Variants in SLC17A2 observed in about 807,000 individuals in gnomAD.
SLC17A2 encodes solute carrier family 17 member 2, also known as sodium-dependent phosphate transport protein 3.
Under a neutral mutation model 52.1 loss-of-function variants are expected in SLC17A2, and 38 were observed. The ratio of observed to expected loss-of-function variants is 0.73; its 90% confidence interval spans 0.56 to 0.96. The LOEUF is 0.96. SLC17A2 is among the 40% of genes least tolerant of loss of function. The probability of loss-of-function intolerance (pLI) is 0.00; values close to 1 mark genes in which losing one functional copy is unlikely to be tolerated. For synonymous variants in SLC17A2, 226 were observed against 211.9 expected, an observed-to-expected ratio of 1.07 and a Z score of -0.58; for missense variants, 508 against 583.9, an observed-to-expected ratio of 0.87 and a Z score of 1.34.
At chr6:25,921,598 GA>G (rs1766563591) in intron 3 of SLC17A2, among the ~76,000 whole-genome samples, 186 bp from the exon 4 acceptor site, 1 of 151,812 alleles carries the variant, frequency 6.6e-6, no homozygotes, top group Non-Finnish European at 1.5e-5. Context: ...TAGAAGGAGA[GA>G]AAAACAGAAG....
intron 1 of SLC17A2, among the ~76,000 whole-genome samples, chr6:25,927,038 CT>C (rs1766791880): frequency 6.6e-6 from 1 of 152,184 alleles, no homozygotes; most frequent in Admixed American, 6.5e-5. Flanking sequence ...TGCACTACAG[CT>C]TGGGGGACAG....
chr6:25,921,375 A>T lies in SLC17A2; in HGVS notation c.278T>A (p.Ile93Asn). ...VYQWSPETQG[I>N]IFSSINYGII... ...CCCATAGTTGATGGAGCTAAAGATG[A>T]TACCCTGAGTTTCTGGGCTCCATTG... Residue 93 changes from isoleucine to asparagine, a missense_variant, in exon 4 of 12, where the codon ATC (isoleucine) becomes AAC (asparagine). Coordinates refer to ENST00000377850, the MANE Select transcript of SLC17A2 (RefSeq NM_001286123.3). 6.2e-7 allele frequency: 1 copy of T among 1,614,158 alleles called. No homozygotes were observed. The highest frequency in any genetic ancestry group is 8.5e-7 in the Non-Finnish European group (1 of 1,180,006).
chr6:25,917,693 A>T (rs559025955), intron 6 of SLC17A2, among the ~76,000 whole-genome samples: 1 of 152,394 alleles, frequency 6.6e-6, no homozygotes, highest in African/African-American at 2.4e-5. Context: ...ATTTGGCTAT[A>T]AAAACAAAAT....
chr6:25,915,838 C>A lies in SLC17A2; in HGVS notation c.961G>T (p.Ala321Ser). Reference protein sequence around the residue: ...SGVLSSLPFIAAASCTILGGQ... With the variant: ...SGVLSSLPFISAASCTILGGQ... ...CCTAAAATTGTACAGCTTGCAGCAG[C>A]AATAAAAGGCAGGGAGGACAGAACT... is the stretch of plus-strand genomic sequence containing the variant. The change falls in exon 9 of 12, where the codon GCT becomes TCT. Residue 321 changes from alanine to serine, a missense_variant. Ala to Ser is a moderately conservative substitution (Grantham distance 99). Coordinates refer to ENST00000377850, the MANE Select transcript of SLC17A2 (RefSeq NM_001286123.3). 1 of 1,613,922 alleles carries A rather than the reference C, an allele frequency of 6.2e-7. No homozygotes were observed. Among genetic ancestry groups the A allele is most frequent in the Non-Finnish European group, 8.5e-7 (1 of 1,179,940 alleles).
At position 25,915,535 on chromosome 6, in the gene SLC17A2, G is replaced by A. The variant is rs1219347300; in HGVS notation, c.1175C>T (p.Ser392Leu). The change falls in exon 10 of 12, where the codon TCA (serine) becomes TTA (leucine). Residue 392 changes from serine to leucine, a missense_variant. Transcript: ENST00000377850. ...LIPGTSNLCD[S>L]GFIINTLDIA... Reference sequence around the variant, plus strand: ...ATCTAAGGTGTTGATGATAAACCCTGAGTCACATAGGTTACTGGTCCCAGG... The same window carrying A: ...ATCTAAGGTGTTGATGATAAACCCTAAGTCACATAGGTTACTGGTCCCAGG... The A allele has an allele frequency of 5.1e-6, 8 of 1,567,796 alleles. No homozygotes were observed. Among genetic ancestry groups the A allele is most frequent in the African/African-American group, 1.4e-5 (1 of 73,590 alleles).
Position 25,913,400 on chromosome 6 carries a change from T to G in SLC17A2, c.1354A>C (p.Met452Leu). Residue 452 changes from methionine to leucine, a missense_variant, in exon 12 of 12, where the codon ATG (methionine) becomes CTG (leucine). Met to Leu is a conservative substitution (Grantham distance 15). Coordinates refer to ENST00000377850, the MANE Select transcript of SLC17A2 (RefSeq NM_001286123.3). ...NVFFLSAAVN[M>L]FGLVFYLTFG... Reference sequence around the variant, plus strand: ...GTGAGGTAAAAGACCAGGCCAAACATGTTGACTGCAGCAGACAGGAAAAAG... The same window carrying G: ...GTGAGGTAAAAGACCAGGCCAAACAGGTTGACTGCAGCAGACAGGAAAAAG... 2 of 1,614,078 alleles carry G rather than the reference T, an allele frequency of 1.2e-6. No homozygotes were observed. The highest frequency in any genetic ancestry group is 1.1e-5 in the South Asian group (1 of 91,084).
At position 25,923,921 on chromosome 6, in the gene SLC17A2, A is replaced by G; in HGVS notation, c.29-15T>C. Reference sequence around the variant, plus strand: ...GAAATCTGGACCTAGACAACAACACAGATGTATGTAGTGAGCATCCTGACT... The same window carrying G: ...GAAATCTGGACCTAGACAACAACACGGATGTATGTAGTGAGCATCCTGACT... On this transcript the variant is annotated splice_polypyrimidine_tract_variant and intron_variant, in intron 2 of 11. Coordinates refer to ENST00000377850, the MANE Select transcript of SLC17A2 (RefSeq NM_001286123.3). 1 of 1,602,964 alleles carries G rather than the reference A, an allele frequency of 6.2e-7. No homozygotes were observed. Among genetic ancestry groups the G allele is most frequent in the Non-Finnish European group, 8.5e-7 (1 of 1,170,686 alleles).
rs1180236841 is a variant in SLC17A2, at chr6:25,912,802, C to G, written c.*515G>C. 6.6e-6 allele frequency: 1 copy of G among 152,008 alleles called. No homozygotes were observed. Among genetic ancestry groups the G allele is most frequent in the Admixed American group, 6.6e-5 (1 of 15,260 alleles). The allele number at this position is 152,008 out of a possible 1,614,324, so 9.4% of individuals were successfully genotyped here. On this transcript the variant is annotated 3_prime_UTR_variant, in exon 12 of 12. Transcript: ENST00000377850. ...AATAGAATTTAATCACATAAATAAA[C>G]GTCTATGTTTTACAATGTATAAAAA...
intron 11 of SLC17A2, among the ~76,000 whole-genome samples, chr6:25,913,779 T>TG (rs1265567642): frequency 3.6e-4 from 26 of 72,162 alleles, no homozygotes; most frequent in Middle Eastern, 0.011. Context: ...CTCTGTTTTT[T>TG]TTTGTTGTTG....
chr6:25,915,827 G>A lies in SLC17A2; in HGVS notation c.972C>T (p.Ser324=), dbSNP rs1766289369. The A allele has an allele frequency of 6.2e-7, 1 of 1,614,132 alleles. No homozygotes were observed. Among genetic ancestry groups the A allele is most frequent in the Non-Finnish European group, 8.5e-7 (1 of 1,179,990 alleles). Residue 324 remains serine (S), a synonymous_variant, in exon 9 of 12, where the codon AGC becomes AGT. Coordinates refer to ENST00000377850, the MANE Select transcript of SLC17A2 (RefSeq NM_001286123.3). ...CCAGCTGACCTCCTAAAATTGTACA[G>A]CTTGCAGCAGCAATAAAAGGCAGGG... ...LSSLPFIAAA[S]CTILGGQLAD...
Position 25,921,378 on chromosome 6 carries a change from C to A in SLC17A2, c.275G>T (p.Gly92Val). The A allele has an allele frequency of 6.2e-7, 1 of 1,614,036 alleles. No homozygotes were observed. The highest frequency in any genetic ancestry group is 8.5e-7 in the Non-Finnish European group (1 of 1,179,986). The change falls in exon 4 of 12, where the codon GGT (glycine) becomes GTT (valine). Residue 92 changes from glycine (G) to valine (V), a missense_variant. Transcript: ENST00000377850. ...SVYQWSPETQGIIFSSINYGI... is the reference protein window; with the variant it reads ...SVYQWSPETQVIIFSSINYGI... ...ATAGTTGATGGAGCTAAAGATGATA[C>A]CCTGAGTTTCTGGGCTCCATTGATA...
chr6:25,920,982 T>C, intron 5 of SLC17A2, 24 bp downstream of exon 5: 1 of 1,601,058 alleles, frequency 6.2e-7, no homozygotes, highest in Non-Finnish European at 8.6e-7. Flanking sequence ...ATGACAAAGC[T>C]ATGACCCATC....
chr6:25,926,345 A>G (rs1027102043), intron 1 of SLC17A2, among the ~76,000 whole-genome samples: 8 of 152,194 alleles, frequency 5.3e-5, no homozygotes, highest in African/African-American at 1.9e-4. Flanking sequence ...CCACCAGAAC[A>G]ATGTTCCATG....
intron 10 of SLC17A2, 122 bp from the exon 11 acceptor site, chr6:25,914,792 A>G: frequency 3.1e-6 from 2 of 637,690 alleles, no homozygotes; most frequent in East Asian, 2.8e-5. Context: ...GCAGTTTTTC[A>G]TTCACCTAAA....
chr6:25,920,864 AT>A (rs1766525093), intron 5 of SLC17A2, 141 bp downstream of exon 5: 1 of 698,844 alleles, frequency 1.4e-6, no homozygotes, highest in East Asian at 2.7e-5. Context: ...CATCTTTCCT[AT>A]TTGTGATGCA....
In SLC17A2 at chr6:25,923,831, C is replaced by A. The variant is rs762220266; in HGVS notation, c.104G>T (p.Arg35Leu). The change falls in exon 3 of 12, where the codon CGT becomes CTT. Residue 35 changes from arginine to leucine, a missense_variant. By Grantham distance (102) the Arg-to-Leu change is moderately radical. Transcript: ENST00000377850. ...GATGATCGCAATGCTCAGACTCACA[C>A]GCTGCGTTATCATGGTGAAGTTTGA... is the stretch of plus-strand genomic sequence containing the variant. ...HFSNFTMITQRVSLSIAIIAM... is the reference protein window; with the variant it reads ...HFSNFTMITQLVSLSIAIIAM... 6.2e-7 allele frequency: 1 copy of A among 1,614,198 alleles called. No homozygotes were observed. The highest frequency in any genetic ancestry group is 8.5e-7 in the Non-Finnish European group (1 of 1,180,042).
chr6:25,925,819 C>T lies in SLC17A2; in HGVS notation c.-23G>A. The T allele has an allele frequency of 6.2e-7, 1 of 1,613,900 alleles. No individual in the cohort carries two copies. The highest frequency in any genetic ancestry group is 1.3e-5 in the African/African-American group (1 of 75,046). On this transcript the variant is annotated 5_prime_UTR_variant, in exon 2 of 12. Transcript: ENST00000377850. ...CATTTAGCTTCTGTGGGAAATGGTA[C>T]CACGCTTTGTGGTGGAGTTTCCCTG... is the stretch of plus-strand genomic sequence containing the variant.
rs1172059536 is a variant in SLC17A2, at chr6:25,915,543, T to C, written c.1167A>G (p.Leu389=). ...TGTTGATGATAAACCCTGAGTCACA[T>C]AGGTTACTGGTCCCAGGAATAAGTA... ...LLILIPGTSN[L]CDSGFIINTL... Residue 389 remains leucine (L), a synonymous_variant, in exon 10 of 12, where the codon CTA becomes CTG. Coordinates refer to ENST00000377850, the MANE Select transcript of SLC17A2 (RefSeq NM_001286123.3). 4.4e-6 allele frequency: 7 copies of C among 1,576,120 alleles called. No individual in the cohort carries two copies. The highest frequency in any genetic ancestry group is 5.2e-6 in the Non-Finnish European group (6 of 1,161,238).
Position 25,921,031 on chromosome 6 carries a change from G to C in SLC17A2, c.537C>G (p.Ser179Arg). The C allele has an allele frequency of 6.2e-7, 1 of 1,614,208 alleles. No individual in the cohort carries two copies. Among genetic ancestry groups the C allele is most frequent in the Non-Finnish European group, 8.5e-7 (1 of 1,180,032 alleles). Residue 179 changes from serine (S) to arginine (R), a missense_variant, in exon 5 of 12, where the codon AGC becomes AGG. Ser to Arg is a moderately radical substitution (Grantham distance 110, BLOSUM62 -1). Coordinates refer to ENST00000377850, the MANE Select transcript of SLC17A2 (RefSeq NM_001286123.3). Reference protein sequence around the residue: ...WAKWAPPLERSKLTTIAGSGS... With the variant: ...WAKWAPPLERRKLTTIAGSGS... ...CTGATCCTGCAATGGTGGTGAGCTTGCTTCGTTCAAGTGGAGGAGCCCACT... is the reference window on the plus strand; with the variant it reads ...CTGATCCTGCAATGGTGGTGAGCTTCCTTCGTTCAAGTGGAGGAGCCCACT...
Sources: gnomAD v4.1 joint callset for allele counts (sites outside exome capture counted in the v4.1 genomes callset) on GRCh38, gnomAD v4.1.1 for gene constraint, MANE v1.5 for transcripts, NCBI Gene and HGNC (gene_info 2026-07-23, HGNC 2026-07-21) for gene names.